The following UBXN10 variants were observed in gnomAD, a reference collection of about 807,000 sequenced individuals.
UBXN10 encodes UBX domain protein 10, also known as UBX domain-containing protein 10.
UBXN10 carries 6 observed loss-of-function variants against 6.9 expected under a neutral mutation model. The ratio of observed to expected loss-of-function variants is 0.87; its 90% CI spans 0.48 to 1.72. The LOEUF is 1.72. UBXN10 is among the 40% of genes most tolerant of loss of function. UBXN10 has a pLI of 0.01. For synonymous variants in UBXN10, 131 were observed against 135.2 expected (o/e 0.97, Z 0.21); for missense variants, 317 against 348.4 (o/e 0.91, Z 0.72).
upstream of UBXN10, among the ~76,000 whole-genome samples, chr1:20,185,701 T>C (rs550581094): frequency 1.2e-4 from 18 of 152,148 alleles, no homozygotes; most frequent in South Asian, 4.2e-4. Flanking sequence ...GTTCCGAGAA[T>C]CCATCAGTCC....
upstream of UBXN10, chr1:20,184,620 T>C (rs1304703843): frequency 1.3e-5 from 2 of 152,202 alleles, no homozygotes; most frequent in African/African-American, 4.8e-5. Context: ...GGAGGAGCAA[T>C]TCACCTTGGA....
At chr1:20,184,345 T>G (rs1385672378), upstream of UBXN10, 2 of 152,222 alleles carry the variant, frequency 1.3e-5, no homozygotes, top group Non-Finnish European at 2.9e-5. Flanking sequence ...CTGAAGAGCA[T>G]CGCTAAGACA....
chr1:20,190,971 C>T lies in UBXN10; in HGVS notation c.410C>T (p.Ala137Val), dbSNP rs778639100. ...GCTGTGGAAACCGTTGCCAAAAAGG[C>T]CAGCTCACTGCAACTGAGCAGTATC... Reference protein sequence around the residue: ...EEAVETVAKKASSLQLSSIRA... With the variant: ...EEAVETVAKKVSSLQLSSIRA... The change falls in exon 2 of 2, where the codon GCC (alanine) becomes GTC (valine). Residue 137 changes from alanine (A) to valine (V), a missense_variant. By Grantham distance (64) the Ala-to-Val change is moderately conservative. Coordinates refer to ENST00000375099, the MANE Select transcript of UBXN10 (RefSeq NM_152376.5). 2 of 1,614,138 alleles carry T rather than the reference C, an allele frequency of 1.2e-6. No homozygotes were observed. Among genetic ancestry groups the T allele is most frequent in the South Asian group, 1.1e-5 (1 of 91,078 alleles).
rs2018554336 is a variant in UBXN10, at chr1:20,193,736, A to G, written c.*2332A>G. ...TCACAGCACTTAGCTTGTCTGGATAAGAGTCACCTGAATTTTTCCTAAACA... is the reference window on the plus strand; with the variant it reads ...TCACAGCACTTAGCTTGTCTGGATAGGAGTCACCTGAATTTTTCCTAAACA... On this transcript the variant is annotated 3_prime_UTR_variant, in exon 2 of 2. Coordinates refer to ENST00000375099, the MANE Select transcript of UBXN10 (RefSeq NM_152376.5). The G allele has an allele frequency of 6.0e-6, 1 of 167,090 alleles. No homozygotes were observed. Among genetic ancestry groups the G allele is most frequent in the African/African-American group, 2.4e-5 (1 of 41,454 alleles). The allele number at this position is 167,090 out of a possible 1,614,324, so 10.4% of individuals were successfully genotyped here. A position where few individuals can be genotyped will look rare whatever the true frequency, so the allele number is the denominator to read the frequency against.
upstream of UBXN10, among the ~76,000 whole-genome samples, chr1:20,185,491 G>A (rs2018355361): frequency 1.3e-5 from 2 of 152,204 alleles, no homozygotes; most frequent in South Asian, 4.1e-4. Flanking sequence ...AGTGACTCAA[G>A]TGGCTGGAAG....
At chr1:20,183,427 G>A (rs528520266), upstream of UBXN10, among the ~76,000 whole-genome samples, 1 of 152,288 alleles carries the variant, frequency 6.6e-6, no homozygotes, top group East Asian at 1.9e-4. Context: ...GGTCCAGGGT[G>A]GGCTTTGGAA....
In UBXN10 at chr1:20,191,226, A is replaced by G. The variant is rs1487516298; in HGVS notation, c.665A>G (p.Gln222Arg). The G allele has an allele frequency of 6.2e-7, 1 of 1,614,218 alleles. No homozygotes were observed. The highest frequency in any genetic ancestry group is 8.5e-7 in the Non-Finnish European group (1 of 1,180,050). Residue 222 changes from glutamine (Q) to arginine (R), a missense_variant, in exon 2 of 2, where the codon CAA becomes CGA. Physicochemically the swap from Gln to Arg is conservative, Grantham distance 43. Coordinates refer to ENST00000375099, the MANE Select transcript of UBXN10 (RefSeq NM_152376.5). This position sits in a 1 kb window ranked among gnomAD's most constrained non-coding sequence, Gnocchi z 4.5. ...CATTTCCGGCCAACAGATGATTTGC[A>G]AACCATTGTTGCTGTGGCCGAACAG... ...VRHFRPTDDLQTIVAVAEQKN... is the reference protein window; with the variant it reads ...VRHFRPTDDLRTIVAVAEQKN...
At position 20,187,776 on chromosome 1, in the gene UBXN10, A is replaced by G. The variant is rs888893806; in HGVS notation, c.-16+1623A>G. On this transcript the variant is annotated intron_variant, in intron 1 of 1. Transcript: ENST00000375099. The surrounding 1 kb of genome is among the most constrained non-coding windows in gnomAD (Gnocchi z 4.6). ...CCCTGAACATGGATAATTATATGGA[A>G]CCAAAAGGTATAGAAAGTGCATGCA... Among the ~76,000 whole-genome samples, 8 of 152,334 alleles carry G rather than the reference A, an allele frequency of 5.3e-5. No individual in the cohort carries two copies. In the South Asian group the frequency reaches 1.2e-3, roughly 24 times the overall value.
chr1:20,195,032 C>G lies in UBXN10; in HGVS notation c.*3628C>G, dbSNP rs146592861. On this transcript the variant is annotated 3_prime_UTR_variant, in exon 2 of 2. Transcript: ENST00000375099. Reference sequence around the variant, plus strand: ...GGAGGAGTTAGCAATCAAAGGAGAACAGACTTTTGGTGACTCAGTTACCAA... The same window carrying G: ...GGAGGAGTTAGCAATCAAAGGAGAAGAGACTTTTGGTGACTCAGTTACCAA... 3.6e-5 allele frequency: 6 copies of G among 167,172 alleles called. No homozygotes were observed. The highest frequency in any genetic ancestry group is 9.6e-5 in the African/African-American group (4 of 41,512). 10.4% of individuals were successfully genotyped at this position (167,172 alleles called of 1,614,324 possible). A position where few individuals can be genotyped will look rare whatever the true frequency, so the allele number is the denominator to read the frequency against.
rs141139788 is a variant in UBXN10 at position 20,189,334 on chromosome 1, A to G, written c.-15-1213A>G. Among the ~76,000 whole-genome samples the G allele has an allele frequency of 2.3e-3, 352 of 152,212 alleles. 3 individuals are homozygous for G. The East Asian group carries it at 0.028, about 12-fold the overall frequency. ...GATTCAGAGGGAGGCAGGGAGCCCA[A>G]TAAGATGTCTGCAATGTTTAGGGAA... On this transcript the variant is annotated intron_variant, in intron 1 of 1. Coordinates refer to ENST00000375099, the MANE Select transcript of UBXN10 (RefSeq NM_152376.5).
At position 20,195,793 on chromosome 1, in the gene UBXN10, G is replaced by A. The variant is rs879183331; in HGVS notation, c.*4389G>A. 6 of 167,162 alleles carry A rather than the reference G, an allele frequency of 3.6e-5. No homozygotes were observed. In the South Asian group the frequency reaches 1.2e-3, roughly 35 times the overall value. The allele number at this position is 167,162 out of a possible 1,614,324, so 10.4% of individuals were successfully genotyped here. ...AACTAAGGTCACTGTTTCACTTAAT[G>A]TTGAGATATAAGTTAAAAGTATCAT... On this transcript the variant is annotated 3_prime_UTR_variant, in exon 2 of 2. Transcript: ENST00000375099.
chr1:20,185,217 TCTAA>T (rs1209633215), upstream of UBXN10, among the ~76,000 whole-genome samples: 1 of 151,678 alleles, frequency 6.6e-6, no homozygotes, highest in African/African-American at 2.4e-5. Flanking sequence ...GGGCTGAGAG[TCTAA>T]CTGAGGTTAG....
chr1:20,191,312 T>A lies in UBXN10; in HGVS notation c.751T>A (p.Phe251Ile), dbSNP rs772839666. ...IETMEVPRRR[F>I]SDLTKSLQEC... Reference sequence around the variant, plus strand: ...AACAATGGAGGTGCCCAGGAGGCGATTTTCTGACCTCACCAAATCTCTGCA... The same window carrying A: ...AACAATGGAGGTGCCCAGGAGGCGAATTTCTGACCTCACCAAATCTCTGCA... The change falls in exon 2 of 2, where the codon TTT (phenylalanine) becomes ATT (isoleucine). Residue 251 changes from phenylalanine (F) to isoleucine (I), a missense_variant. By Grantham distance (21) the Phe-to-Ile change is conservative. Transcript: ENST00000375099. The surrounding 1 kb of genome is among the most constrained non-coding windows in gnomAD (Gnocchi z 4.5). 1.5e-5 allele frequency: 25 copies of A among 1,614,034 alleles called. No individual in the cohort carries two copies. The highest frequency in any genetic ancestry group is 2.0e-5 in the Non-Finnish European group (24 of 1,180,044).
Position 20,194,703 on chromosome 1 carries a change from A to G in UBXN10, c.*3299A>G, listed in dbSNP as rs1303671084. 1 of 167,112 alleles carries G rather than the reference A, an allele frequency of 6.0e-6. No homozygotes were observed. Among genetic ancestry groups the G allele is most frequent in the Non-Finnish European group, 1.5e-5 (1 of 68,116 alleles). The allele number at this position is 167,112 out of a possible 1,614,324, so 10.4% of individuals were successfully genotyped here. ...AGCCACCCTGCCTCTTGGGACAAAGATGTTTCTCTTTACTTAGTTTTAAAA... is the reference window on the plus strand; with the variant it reads ...AGCCACCCTGCCTCTTGGGACAAAGGTGTTTCTCTTTACTTAGTTTTAAAA... On this transcript the variant is annotated 3_prime_UTR_variant, in exon 2 of 2. Transcript: ENST00000375099.
chr1:20,187,504 C>T lies in UBXN10; in HGVS notation c.-16+1351C>T, dbSNP rs2018419845. Among the ~76,000 whole-genome samples, 1 of 136,028 alleles carries T rather than the reference C, an allele frequency of 7.4e-6. No homozygotes were observed. The highest frequency in any genetic ancestry group is 1.5e-5 in the Non-Finnish European group (1 of 64,870). 89.2% of individuals were successfully genotyped at this position (136,028 alleles called of 152,430 possible). On this transcript the variant is annotated intron_variant, in intron 1 of 1. Transcript: ENST00000375099. This position sits in a 1 kb window ranked among gnomAD's most constrained non-coding sequence, Gnocchi z 4.6. ...GATCCCCAAACACCTGTTTCCCCCA[C>T]CGCCCATCCCTGTGTGATGGGTGCT...
At position 20,192,411 on chromosome 1, in the gene UBXN10, C is replaced by T. The variant is rs936218076; in HGVS notation, c.*1007C>T. 1.8e-5 allele frequency: 3 copies of T among 167,096 alleles called. No individual in the cohort carries two copies. The highest frequency in any genetic ancestry group is 2.1e-4 in the South Asian group (1 of 4,818). 10.4% of individuals were successfully genotyped at this position (167,096 alleles called of 1,614,324 possible). On this transcript the variant is annotated 3_prime_UTR_variant, in exon 2 of 2. Transcript: ENST00000375099. ...GAGGAGGAGGGGGGTGCCTTGGTCT[C>T]GTGTTACTTTGCTGTGCCTGTGCTG...
chr1:20,191,161 G>A lies in UBXN10; in HGVS notation c.600G>A (p.Leu200=), dbSNP rs878879514. 6.2e-7 allele frequency: 1 copy of A among 1,614,082 alleles called. No homozygotes were observed. The highest frequency in any genetic ancestry group is 1.3e-5 in the African/African-American group (1 of 74,920). ...EEPSDQEPRL[L]LAVRSPTGQR... is the part of the protein sequence containing the mutation. ...CATCGGACCAAGAACCAAGGTTGCT[G>A]CTTGCTGTTAGATCACCAACAGGCC... Residue 200 remains leucine, a synonymous_variant, in exon 2 of 2, where the codon CTG becomes CTA. Coordinates refer to ENST00000375099, the MANE Select transcript of UBXN10 (RefSeq NM_152376.5). The surrounding 1 kb of genome is among the most constrained non-coding windows in gnomAD (Gnocchi z 4.5).
rs953310198 is a variant in UBXN10, at chr1:20,194,770, A to T, written c.*3366A>T. On this transcript the variant is annotated 3_prime_UTR_variant, in exon 2 of 2. Transcript: ENST00000375099. ...AAGTTCGGATAAAAGAGACTTTTACATGGTAAGAGGATCTACTTTTCTACC... is the reference window on the plus strand; with the variant it reads ...AAGTTCGGATAAAAGAGACTTTTACTTGGTAAGAGGATCTACTTTTCTACC... The T allele has an allele frequency of 1.8e-5, 3 of 167,142 alleles. No individual in the cohort carries two copies. Among genetic ancestry groups the T allele is most frequent in the African/African-American group, 7.2e-5 (3 of 41,472 alleles). 10.4% of individuals were successfully genotyped at this position (167,142 alleles called of 1,614,324 possible).
In UBXN10 at chr1:20,191,493, C is replaced by T. The variant is rs573172344; in HGVS notation, c.*89C>T. On this transcript the variant is annotated 3_prime_UTR_variant, in exon 2 of 2. Transcript: ENST00000375099. This position sits in a 1 kb window ranked among gnomAD's most constrained non-coding sequence, Gnocchi z 4.5. Reference sequence around the variant, plus strand: ...CCTCTTAGGCAGCCTGTTTCAAGTGCCATGTGGACCTGGTGCAGCTGGGAA... The same window carrying T: ...CCTCTTAGGCAGCCTGTTTCAAGTGTCATGTGGACCTGGTGCAGCTGGGAA... 1 of 1,522,806 alleles carries T rather than the reference C, an allele frequency of 6.6e-7. No individual in the cohort carries two copies. Among genetic ancestry groups the T allele is most frequent in the Non-Finnish European group, 8.8e-7 (1 of 1,136,450 alleles). 94.3% of individuals were successfully genotyped at this position (1,522,806 alleles called of 1,614,324 possible).
Sources: gnomAD v4.1 joint callset for allele counts (sites outside exome capture counted in the v4.1 genomes callset) on GRCh38, gnomAD v4.1.1 for gene constraint, Gnocchi (gnomAD v3.1) non-coding constraint, MANE v1.5 for transcripts, NCBI Gene and HGNC (gene_info 2026-07-23, HGNC 2026-07-21) for gene names.